ANO4: variants seen among roughly 807,000 people sequenced by gnomAD.
The protein encoded by ANO4 is anoctamin 4, also known as anoctamin-4.
Under a neutral mutation model 141.9 loss-of-function variants are expected in ANO4, and 69 were observed. The ratio of observed to expected loss-of-function variants is 0.49; its 90% CI spans 0.40 to 0.59. The LOEUF (loss-of-function observed/expected upper bound fraction) is 0.59, where lower values mean the gene tolerates loss of function less well. Ranked by LOEUF, ANO4 falls within the 20% of genes least tolerant of loss-of-function variation. The pLI is 0.00. For synonymous variants in ANO4, 350 were observed against 394.3 expected (o/e 0.89, Z 1.33); for missense variants, 894 against 1,162.2 (o/e 0.77, Z 3.36).
chr12:101,004,083 A>G (rs1482443865), intron 8 of ANO4, among the ~76,000 whole-genome samples: 2 of 151,968 alleles, frequency 1.3e-5, no homozygotes, highest in East Asian at 1.9e-4. Flanking sequence ...CTAGATCCCT[A>G]TACTACTTAG....
chr12:100,868,686 C>G (rs998206796), intron 1 of ANO4, among the ~76,000 whole-genome samples: 1 of 152,084 alleles, frequency 6.6e-6, no homozygotes, highest in Non-Finnish European at 1.5e-5. Flanking sequence ...CAAGAATACT[C>G]CTCCTCCCCC....
chr12:100,818,143 A>C (rs2135726074), intron 1 of ANO4, among the ~76,000 whole-genome samples: 1 of 151,982 alleles, frequency 6.6e-6, no homozygotes, highest in South Asian at 2.1e-4. Flanking sequence ...TTACATTTAC[A>C]TTTCATTTGT....
At chr12:101,034,617 T>TAAAAG (rs5800452) in intron 9 of ANO4, among the ~76,000 whole-genome samples, 150,886 of 152,260 alleles carry the variant, frequency 0.99, 74,775 homozygotes, top group Middle Eastern at 1. Flanking sequence ...AATACATAAA[T>TAAAAG]AGAATGATAA....
intron 1 of ANO4, among the ~76,000 whole-genome samples, chr12:100,881,827 G>C (rs1424179910): frequency 6.6e-6 from 1 of 152,142 alleles, no homozygotes; most frequent in Non-Finnish European, 1.5e-5. Context: ...TTCTTAATCA[G>C]CCTGTTTTCC....
intron 1 of ANO4, among the ~76,000 whole-genome samples, chr12:100,847,525 G>A (rs899627668): frequency 6.1e-5 from 9 of 147,468 alleles, no homozygotes; most frequent in African/African-American, 1.2e-4. Flanking sequence ...AGGCTGGAGC[G>A]CAGTGGTGCA....
In ANO4 at chr12:100,797,130, G is replaced by GTATA. The variant is rs57640251; in HGVS notation, c.-141+2116_-141+2119dup. 8.8e-3 allele frequency among the ~76,000 whole-genome samples: 1,313 copies of GTATA among 149,276 alleles called. 9 individuals carry two copies. The highest frequency in any genetic ancestry group is 0.012 in the Non-Finnish European group (811 of 67,260). On this transcript the variant is annotated intron_variant, in intron 1 of 27. Transcript: ENST00000392977. The stretch of plus-strand genomic sequence containing the variant: ...TGCAATTGTTTATATATATGTGTGT[G>GTATA]TATATATATATATATACACACATAT...
Position 100,943,830 on chromosome 12 carries a change from A to AT in ANO4, c.456+1302dup, listed in dbSNP as rs553558550. Reference sequence around the variant, plus strand: ...GTTCTAAATTGTCTCAGACAATTGCATTTTTTTCTTAACATTAATAGCACA... The same window carrying AT: ...GTTCTAAATTGTCTCAGACAATTGCATTTTTTTTCTTAACATTAATAGCACA... On this transcript the variant is annotated intron_variant, in intron 5 of 27. Transcript: ENST00000392977. Among the ~76,000 whole-genome samples, 25 of 152,252 alleles carry AT rather than the reference A, an allele frequency of 1.6e-4. No homozygotes were observed. The East Asian group carries it at 4.6e-3, about 28-fold the overall frequency.
chr12:100,993,433 G>A lies in ANO4; in HGVS notation c.734+5763G>A, dbSNP rs148431617. Among the ~76,000 whole-genome samples, 16 of 152,210 alleles carry A rather than the reference G, an allele frequency of 1.1e-4. 1 individual carries two copies. The highest frequency in any genetic ancestry group is 6.2e-4 in the South Asian group (3 of 4,824). ...GGTATTATTATTATCACCAATTTAC[G>A]GATGAGGAAAGTGAGGAACAAAATG... is the stretch of plus-strand genomic sequence containing the variant. On this transcript the variant is annotated intron_variant, in intron 8 of 27. Coordinates refer to ENST00000392977, the MANE Select transcript of ANO4 (RefSeq NM_001286615.2).
At chr12:100,719,857 A>G (rs1316037957) in intron 1 of ANO4, among the ~76,000 whole-genome samples, 2 of 152,126 alleles carry the variant, frequency 1.3e-5, no homozygotes, top group African/African-American at 4.8e-5. Flanking sequence ...TTTTAGTATG[A>G]ATTTTTACTT....
At chr12:100,793,927 G>A (rs890011598), upstream of ANO4, among the ~76,000 whole-genome samples, 2 of 152,164 alleles carry the variant, frequency 1.3e-5, no homozygotes, top group African/African-American at 4.8e-5. Context: ...CCTTCTGTTA[G>A]TGTAAGTCAG....
chr12:101,007,802 C>G (rs924463212), intron 8 of ANO4, among the ~76,000 whole-genome samples: 1 of 152,164 alleles, frequency 6.6e-6, no homozygotes, highest in Admixed American at 6.5e-5. Context: ...TTACTGCAGC[C>G]TTGAAATCCT....
At chr12:100,822,085 C>T (rs1362706127) in intron 1 of ANO4, among the ~76,000 whole-genome samples, 1 of 151,940 alleles carries the variant, frequency 6.6e-6, no homozygotes, top group African/African-American at 2.4e-5. Flanking sequence ...TCTTACTTTA[C>T]TCTTGGACAG....
At chr12:100,814,199 G>A (rs1021956974) in intron 1 of ANO4, among the ~76,000 whole-genome samples, 2 of 152,106 alleles carry the variant, frequency 1.3e-5, no homozygotes, top group African/African-American at 2.4e-5. Flanking sequence ...GGTGCCTTAT[G>A]TAAAGGCAAA....
intron 7 of ANO4, among the ~76,000 whole-genome samples, chr12:100,980,663 C>A (rs1263405986): frequency 6.6e-6 from 1 of 152,176 alleles, no homozygotes; most frequent in Non-Finnish European, 1.5e-5. Context: ...GGTTTCTGAG[C>A]AGGCAGAGAA....
At chr12:100,865,490 G>A (rs1362827769) in intron 1 of ANO4, among the ~76,000 whole-genome samples, 1 of 152,068 alleles carries the variant, frequency 6.6e-6, no homozygotes. Flanking sequence ...ATCAAAAAGT[G>A]GGCGAAGGAT....
At chr12:100,869,449 T>C (rs1253959250) in intron 1 of ANO4, among the ~76,000 whole-genome samples, 1 of 152,210 alleles carries the variant, frequency 6.6e-6, no homozygotes, top group Non-Finnish European at 1.5e-5. Context: ...AGGACAAATC[T>C]GTCCCCATGG....
intron 18 of ANO4, among the ~76,000 whole-genome samples, chr12:101,095,763 A>T (rs1193142293): frequency 6.6e-6 from 1 of 152,194 alleles, no homozygotes; most frequent in African/African-American, 2.4e-5. Context: ...GCTTGCTCAT[A>T]GAATGTAGCT....
At chr12:100,965,956 C>T (rs2043634848) in intron 5 of ANO4, among the ~76,000 whole-genome samples, 1 of 152,076 alleles carries the variant, frequency 6.6e-6, no homozygotes, top group African/African-American at 2.4e-5. Flanking sequence ...GGAAGAGTCC[C>T]TGACACAGAG....
At chr12:101,109,424 G>A (rs2137008666) in intron 22 of ANO4, among the ~76,000 whole-genome samples, 1 of 152,188 alleles carries the variant, frequency 6.6e-6, no homozygotes, top group East Asian at 1.9e-4. Context: ...AGCTGGTTGT[G>A]ATGGCGGGCG....
Sources: allele counts gnomAD v4.1 joint callset (sites outside exome capture counted in the v4.1 genomes callset), GRCh38; gene constraint gnomAD v4.1.1; transcripts MANE v1.5; gene names NCBI Gene and HGNC (gene_info 2026-07-23, HGNC 2026-07-21).